WNK2: variants seen among roughly 807,000 people sequenced by gnomAD.
WNK2 encodes WNK lysine deficient protein kinase 2, also known as serine/threonine-protein kinase WNK2.
In WNK2, 67 loss-of-function variants were observed where a neutral mutation model predicts 192.1. That is an observed-to-expected ratio of 0.35 (90% CI 0.29 to 0.43). The LOEUF (loss-of-function observed/expected upper bound fraction) is 0.43. Among genes scored for constraint, WNK2 ranks in the 20% least tolerant of loss-of-function variants. The pLI is 1.00. For missense variants in WNK2, 2,698 were observed against 3,089.7 expected (o/e 0.87, Z 3.01); for synonymous variants, 1,439 against 1,393.9 (o/e 1.03, Z -0.72).
intron 27 of WNK2, 69 bp downstream of exon 27, chr9:93,306,890 C>T: frequency 1.2e-6 from 2 of 1,607,864 alleles, no homozygotes; most frequent in South Asian, 2.2e-5. Context: ...TAGCGCACAT[C>T]AGGGTTCCCG....
At chr9:93,237,529 T>A (rs1474496487) in intron 5 of WNK2, among the ~76,000 whole-genome samples, 2 of 152,242 alleles carry the variant, frequency 1.3e-5, no homozygotes, top group Non-Finnish European at 2.9e-5. Context: ...TTATGTTCAT[T>A]TTCCTTTACT....
At chr9:93,202,886 G>A (rs1225011138) in intron 2 of WNK2, among the ~76,000 whole-genome samples, 1 of 152,142 alleles carries the variant, frequency 6.6e-6, no homozygotes, top group Admixed American at 6.5e-5. Flanking sequence ...CTTTGTGGGG[G>A]TGGGGGTTCT....
intron 26 of WNK2, among the ~76,000 whole-genome samples, chr9:93,302,493 CT>C: frequency 6.6e-6 from 1 of 152,144 alleles, no homozygotes; most frequent in Non-Finnish European, 1.5e-5. Flanking sequence ...GCTCACTGCC[CT>C]GGTGTGGGGC....
chr9:93,261,643 C>T (rs1844271684), intron 12 of WNK2, among the ~76,000 whole-genome samples, 171 bp from the exon 13 acceptor site: 1 of 152,250 alleles, frequency 6.6e-6, no homozygotes, highest in Non-Finnish European at 1.5e-5. Flanking sequence ...TTTGTTTCTG[C>T]TCACTCCATC....
At chr9:93,299,854 C>T (rs1039745538) in intron 25 of WNK2, among the ~76,000 whole-genome samples, 197 bp from the exon 26 acceptor site, 13 of 149,662 alleles carry the variant, frequency 8.7e-5, no homozygotes, top group African/African-American at 1.2e-4. Context: ...CGCCCCTCTC[C>T]GGGCTGCTTC....
intron 22 of WNK2, 43 bp downstream of exon 22, chr9:93,292,439 G>C (rs558214589): frequency 1.7e-5 from 28 of 1,613,752 alleles, no homozygotes; most frequent in Middle Eastern, 1.7e-4. Context: ...GGCAGGGTTT[G>C]CTCTGTGCTG....
In WNK2 at chr9:93,298,492, A is replaced by G. The variant is rs534782758; in HGVS notation, c.5923+425A>G. Among the ~76,000 whole-genome samples, 8 of 152,264 alleles carry G rather than the reference A, an allele frequency of 5.3e-5. No homozygotes were observed. The East Asian group carries it at 1.5e-3, about 29-fold the overall frequency. ...GACGGGAGGACGGTGATGATCTCCC[A>G]GTCTTGTTAAAGGTGACACCTAGTC... On this transcript the variant is annotated intron_variant, in intron 24 of 29. Coordinates refer to ENST00000427277, the MANE Select transcript of WNK2 (RefSeq NM_006648.4).
intron 5 of WNK2, among the ~76,000 whole-genome samples, chr9:93,237,075 G>T (rs1018618694): frequency 6.6e-6 from 1 of 152,188 alleles, no homozygotes; most frequent in Non-Finnish European, 1.5e-5. Context: ...ACCCAAGAAG[G>T]TTCTGAATGG....
In WNK2 at chr9:93,257,088, C is replaced by T; in HGVS notation, c.2331C>T (p.Pro777=). The T allele has an allele frequency of 3.1e-6, 5 of 1,608,696 alleles. No homozygotes were observed. Among genetic ancestry groups the T allele is most frequent in the South Asian group, 1.1e-5 (1 of 90,924 alleles). Residue 777 remains proline (P), a synonymous_variant, in exon 11 of 30, where the codon CCC becomes CCT. Coordinates refer to ENST00000427277, the MANE Select transcript of WNK2 (RefSeq NM_006648.4). This position sits in a 1 kb window ranked among gnomAD's most constrained non-coding sequence, Gnocchi z 4.7. ...TGGGGGCCCCCGCTCAGCTGAAGCC[C>T]CTCCAGATGCCACAGGCGCCCCTGC... ...SQVGAPAQLK[P]LQMPQAPLQP... is the part of the protein sequence containing the mutation.
Position 93,292,955 on chromosome 9 carries a change from C to A in WNK2, c.5490C>A (p.Gly1830=). ...AGCAGGCGTCCCTGCCCGTGAGTGG[C>A]AGCGTGGCTGGCGACTTCGTGAAGA... The part of the protein sequence containing the change: ...VQKQASLPVS[G]SVAGDFVKKA... Residue 1830 remains glycine (G), a synonymous_variant, in exon 23 of 30, where the codon GGC becomes GGA. Coordinates refer to ENST00000427277, the MANE Select transcript of WNK2 (RefSeq NM_006648.4). 1 of 1,535,584 alleles carries A rather than the reference C, an allele frequency of 6.5e-7. No homozygotes were observed. The highest frequency in any genetic ancestry group is 1.2e-5 in the South Asian group (1 of 80,326).
chr9:93,190,919 C>T (rs1167020000), intron 2 of WNK2, among the ~76,000 whole-genome samples: 1 of 152,172 alleles, frequency 6.6e-6, no homozygotes, highest in African/African-American at 2.4e-5. Flanking sequence ...CCAGACAGAC[C>T]CAGATGGGGA....
intron 2 of WNK2, among the ~76,000 whole-genome samples, chr9:93,186,121 A>G (rs1009068706): frequency 6.6e-5 from 10 of 152,284 alleles, no homozygotes; most frequent in African/African-American, 1.9e-4. Context: ...CCCAGCAGGG[A>G]TACCTGCAGA....
At chr9:93,234,704 AG>A in intron 4 of WNK2, 103 bp from the exon 5 acceptor site, 1 of 1,351,886 alleles carries the variant, frequency 7.4e-7, no homozygotes, top group Non-Finnish European at 1.0e-6. Flanking sequence ...TGGGATGTGG[AG>A]GGGACATGGG....
chr9:93,319,572 G>A (rs547434142), intron 29 of WNK2, among the ~76,000 whole-genome samples: 11 of 152,396 alleles, frequency 7.2e-5, no homozygotes, highest in East Asian at 1.9e-4. Context: ...CCTGGTCAGC[G>A]AGACACACCT....
chr9:93,243,100 C>T lies in WNK2; in HGVS notation c.1542+3124C>T, dbSNP rs754467567. Among the ~76,000 whole-genome samples the T allele has an allele frequency of 6.2e-4, 94 of 152,216 alleles. 1 individual carries two copies. The highest frequency in any genetic ancestry group is 1.8e-3 in the Admixed American group (27 of 15,302). On this transcript the variant is annotated intron_variant, in intron 7 of 29. Coordinates refer to ENST00000427277, the MANE Select transcript of WNK2 (RefSeq NM_006648.4). The stretch of plus-strand genomic sequence containing the variant: ...TGGGTGGTGCAGCCTGGGGAGGGCC[C>T]CAGGATTCTACAAGAGCAGTGTTGC...
In WNK2 at chr9:93,299,085, C is replaced by A; in HGVS notation, c.5939C>A (p.Ser1980Tyr). ...CCCCGCCCAGGTCACTTGGCTGACT[C>A]CAGCAGAGGCCCTCCCGCTAAGGAC... ...VASSTGHLAD[S>Y]SRGPPAKDPA... The change falls in exon 25 of 30, where the codon TCC becomes TAC. Residue 1980 changes from serine to tyrosine, a missense_variant. Transcript: ENST00000427277. 6.2e-7 allele frequency: 1 copy of A among 1,610,490 alleles called. No individual in the cohort carries two copies. Among genetic ancestry groups the A allele is most frequent in the Non-Finnish European group, 8.5e-7 (1 of 1,179,436 alleles).
chr9:93,263,428 C>A, intron 14 of WNK2, 138 bp from the exon 15 acceptor site: 2 of 983,990 alleles, frequency 2.0e-6, no homozygotes, highest in Non-Finnish European at 2.8e-6. Flanking sequence ...GGGGTATTCG[C>A]ACAGGACGGG....
chr9:93,313,610 ATTGT>A, intron 28 of WNK2, among the ~76,000 whole-genome samples: 1 of 152,152 alleles, frequency 6.6e-6, no homozygotes, highest in South Asian at 2.1e-4. Context: ...GTTTCTCATT[ATTGT>A]TTAATTTGCC....
chr9:93,256,066 T>C (rs1323874738), intron 9 of WNK2, among the ~76,000 whole-genome samples: 1 of 152,178 alleles, frequency 6.6e-6, no homozygotes, highest in African/African-American at 2.4e-5. Context: ...TGTAATGTTC[T>C]GTGGGGCTGA....
Sources: gnomAD v4.1 joint callset for allele counts (sites outside exome capture counted in the v4.1 genomes callset) on GRCh38, gnomAD v4.1.1 for gene constraint, Gnocchi (gnomAD v3.1) non-coding constraint, MANE v1.5 for transcripts, NCBI Gene and HGNC (gene_info 2026-07-23, HGNC 2026-07-21) for gene names.